Variants in GALNT17 observed in about 807,000 individuals in gnomAD.
The protein encoded by GALNT17 is polypeptide N-acetylgalactosaminyltransferase 17.
GALNT17 carries 29 observed loss-of-function variants against 63.7 expected under a neutral mutation model. That is an observed-to-expected ratio of 0.46 (90% confidence interval 0.34 to 0.62). The LOEUF is 0.62. GALNT17 is among the 20% of genes least tolerant of loss of function. The probability of loss-of-function intolerance (pLI) is 0.01; values close to 1 mark genes in which losing one functional copy is unlikely to be tolerated. For synonymous variants in GALNT17, 305 were observed against 318.3 expected (o/e 0.96, Z 0.45); for missense variants, 603 against 799.6 (o/e 0.75, Z 2.97).
intron 6 of GALNT17, among the ~76,000 whole-genome samples, chr7:71,645,647 G>C (rs2117014031): frequency 6.6e-6 from 1 of 152,260 alleles, no homozygotes; most frequent in East Asian, 1.9e-4. Context: ...CTGGCTTTCT[G>C]TTCTGGGGAA....
At chr7:71,622,486 A>G (rs1790310345) in intron 6 of GALNT17, among the ~76,000 whole-genome samples, 1 of 151,798 alleles carries the variant, frequency 6.6e-6, no homozygotes, top group African/African-American at 2.4e-5. Flanking sequence ...GTCTGTCTTC[A>G]CTCTCACTGG....
chr7:71,361,786 C>CAG (rs150967255), intron 2 of GALNT17, among the ~76,000 whole-genome samples: 2,626 of 149,106 alleles, frequency 0.018, 27 homozygotes, highest in Middle Eastern at 0.035. Context: ...CAAATGAACT[C>CAG]AGAGAGAGAG....
chr7:71,475,399 C>T (rs766649451), intron 5 of GALNT17, among the ~76,000 whole-genome samples: 20 of 152,156 alleles, frequency 1.3e-4, no homozygotes, highest in Admixed American at 6.5e-5. Context: ...TGATGGGAGA[C>T]AGTAACAGAT....
chr7:71,517,397 A>G (rs1013032127), intron 5 of GALNT17, among the ~76,000 whole-genome samples: 2 of 152,210 alleles, frequency 1.3e-5, no homozygotes, highest in African/African-American at 4.8e-5. Context: ...ACTGGGTGTT[A>G]GCACTTCAAT....
intron 1 of GALNT17, among the ~76,000 whole-genome samples, chr7:71,145,700 C>CT (rs1317240187): frequency 6.6e-6 from 1 of 152,020 alleles, no homozygotes; most frequent in Non-Finnish European, 1.5e-5. Context: ...ATACGGGTTT[C>CT]TTAATTTTTT....
intron 6 of GALNT17, among the ~76,000 whole-genome samples, chr7:71,631,433 T>A (rs545862312): frequency 6.6e-6 from 1 of 152,228 alleles, no homozygotes; most frequent in East Asian, 1.9e-4. Context: ...TCAGCTATCA[T>A]CCCTTATTGG....
intron 1 of GALNT17, among the ~76,000 whole-genome samples, chr7:71,221,755 T>C (rs1473992578): frequency 1.3e-5 from 2 of 152,186 alleles, no homozygotes; most frequent in Non-Finnish European, 2.9e-5. Flanking sequence ...TTTAACTTTG[T>C]GTTTTGAAAT....
rs564639000 is a variant in GALNT17, at chr7:71,225,969, TATAC to T, written c.238+92933_238+92936del. On this transcript the variant is annotated intron_variant, in intron 1 of 10. Coordinates refer to ENST00000333538, the MANE Select transcript of GALNT17 (RefSeq NM_022479.3). ...ATTGCATTTTGTAAAAAATTGTGTGTATACATATGCATATAAATGAGATGTATAC... is the reference window on the plus strand; with the variant it reads ...ATTGCATTTTGTAAAAAATTGTGTGTATATGCATATAAATGAGATGTATAC... Among the ~76,000 whole-genome samples, 167 of 152,350 alleles carry T rather than the reference TATAC, an allele frequency of 1.1e-3. 1 individual carries two copies. The highest frequency in any genetic ancestry group is 3.8e-3 in the African/African-American group (156 of 41,576).
rs1194757725 is a variant in GALNT17 at position 71,143,031 on chromosome 7, G to A, written c.238+9991G>A. Among the ~76,000 whole-genome samples, 3 of 151,986 alleles carry A rather than the reference G, an allele frequency of 2.0e-5. No homozygotes were observed. In the East Asian group the frequency reaches 5.8e-4, roughly 29 times the overall value. Reference sequence around the variant, plus strand: ...GGTAGGTGCTTAGCCGGTGAGTGCTGAATTTAAACAAGAACACTTAGAAAT... The same window carrying A: ...GGTAGGTGCTTAGCCGGTGAGTGCTAAATTTAAACAAGAACACTTAGAAAT... On this transcript the variant is annotated intron_variant, in intron 1 of 10. Transcript: ENST00000333538.
rs539259829 is a variant in GALNT17, at chr7:71,673,114, C to T, written c.1404+3005C>T. Among the ~76,000 whole-genome samples, 193 of 152,082 alleles carry T rather than the reference C, an allele frequency of 1.3e-3. 1 individual carries two copies. The highest frequency in any genetic ancestry group is 4.5e-3 in the African/African-American group (185 of 41,488). ...TATCTTCTGTGAGTGCAAATTGAAACAAGCCTTTTAAAAAGCAATTTGAGC... is the reference window on the plus strand; with the variant it reads ...TATCTTCTGTGAGTGCAAATTGAAATAAGCCTTTTAAAAAGCAATTTGAGC... On this transcript the variant is annotated intron_variant, in intron 8 of 10. Transcript: ENST00000333538.
At chr7:71,396,588 T>C (rs1012559978) in intron 3 of GALNT17, among the ~76,000 whole-genome samples, 1 of 152,204 alleles carries the variant, frequency 6.6e-6, no homozygotes, top group East Asian at 1.9e-4. Context: ...AAGATTGTTA[T>C]GTCTATTCTG....
At chr7:71,517,887 A>G (rs1044997549) in intron 5 of GALNT17, among the ~76,000 whole-genome samples, 6 of 152,360 alleles carry the variant, frequency 3.9e-5, no homozygotes, top group African/African-American at 1.2e-4. Flanking sequence ...ATATGGTGTC[A>G]TAAGTGTGAC....
At chr7:71,607,284 C>T (rs1431025907) in intron 6 of GALNT17, among the ~76,000 whole-genome samples, 1 of 152,172 alleles carries the variant, frequency 6.6e-6, no homozygotes, top group Admixed American at 6.5e-5. Context: ...CATCAGTTCA[C>T]TAAAGAATTT....
chr7:71,632,083 A>G (rs988672255), intron 6 of GALNT17, among the ~76,000 whole-genome samples: 9 of 144,876 alleles, frequency 6.2e-5, no homozygotes, highest in Non-Finnish European at 9.2e-5. Flanking sequence ...GAAGATGTTT[A>G]GTCTAAAAAA....
chr7:71,256,865 C>T lies in GALNT17; in HGVS notation c.239-78685C>T, dbSNP rs112652317. On this transcript the variant is annotated intron_variant, in intron 1 of 10. Coordinates refer to ENST00000333538, the MANE Select transcript of GALNT17 (RefSeq NM_022479.3). ...GAGGTAGGAGATGACACTATCTAGGCTGGCAGAGGTCCTGCCATCCCAGAT... is the reference window on the plus strand; with the variant it reads ...GAGGTAGGAGATGACACTATCTAGGTTGGCAGAGGTCCTGCCATCCCAGAT... Among the ~76,000 whole-genome samples, 546 of 152,296 alleles carry T rather than the reference C, an allele frequency of 3.6e-3. 6 individuals are homozygous for T. Among genetic ancestry groups the T allele is most frequent in the African/African-American group, 0.012 (490 of 41,568 alleles).
intron 5 of GALNT17, among the ~76,000 whole-genome samples, chr7:71,526,925 A>G (rs2116768548): frequency 6.6e-6 from 1 of 152,262 alleles, no homozygotes; most frequent in East Asian, 1.9e-4. Context: ...TGGAGCTGTA[A>G]TCTCTCCACA....
In GALNT17 at chr7:71,377,114, A is replaced by AAAAAATATATAT; in HGVS notation, c.423-11120_423-11119insAAAATATATATA. On this transcript the variant is annotated intron_variant, in intron 2 of 10. Transcript: ENST00000333538. Reference sequence around the variant, plus strand: ...AAAAAAAAAAAATAAAAATAAAAAAAATATATATATATATATATATATATA... The same window carrying AAAAAATATATAT: ...AAAAAAAAAAAATAAAAATAAAAAAAAAAAATATATATATATATATATATATATATATATATA... Among the ~76,000 whole-genome samples the AAAAAATATATAT allele has an allele frequency of 3.7e-4, 21 of 57,464 alleles. 3 individuals are homozygous for AAAAAATATATAT. Among genetic ancestry groups the AAAAAATATATAT allele is most frequent in the African/African-American group, 1.5e-3 (16 of 10,670 alleles). 37.7% of individuals were successfully genotyped at this position (57,464 alleles called of 152,430 possible). A position where few individuals can be genotyped will look rare whatever the true frequency, so the allele number is the denominator to read the frequency against.
chr7:71,331,474 A>G (rs754725153), intron 1 of GALNT17, among the ~76,000 whole-genome samples: 26 of 152,110 alleles, frequency 1.7e-4, no homozygotes, highest in Admixed American at 5.2e-4. Flanking sequence ...TTGGGAGGCC[A>G]AGGTGGGAGA....
At chr7:71,147,334 G>A (rs1788042038) in intron 1 of GALNT17, among the ~76,000 whole-genome samples, 1 of 152,086 alleles carries the variant, frequency 6.6e-6, no homozygotes, top group African/African-American at 2.4e-5. Flanking sequence ...GATGTTTGAG[G>A]GCAGGAAGCA....
Sources: gnomAD v4.1 joint callset for allele counts (sites outside exome capture counted in the v4.1 genomes callset) on GRCh38, gnomAD v4.1.1 for gene constraint, MANE v1.5 for transcripts, NCBI Gene and HGNC (gene_info 2026-07-23, HGNC 2026-07-21) for gene names.